Variants in RALGPS2 observed in about 807,000 individuals in gnomAD.
The protein encoded by RALGPS2 is Ral GEF with PH domain and SH3 binding motif 2.
In RALGPS2, 43 loss-of-function variants were observed where a neutral mutation model predicts 86.8. The observed-to-expected ratio is 0.50, with a 90% CI of 0.39 to 0.64. The LOEUF (loss-of-function observed/expected upper bound fraction) is 0.64. Among genes scored for constraint, RALGPS2 ranks in the 30% least tolerant of loss-of-function variants. RALGPS2 has a pLI of 0.00. For synonymous variants in RALGPS2, 243 were observed against 231.3 expected (o/e 1.05, Z -0.46); for missense variants, 536 against 694.6 (o/e 0.77, Z 2.57).
At chr1:178,783,256 T>C (rs564410404) in intron 2 of RALGPS2, among the ~76,000 whole-genome samples, 4 of 151,766 alleles carry the variant, frequency 2.6e-5, no homozygotes, top group African/African-American at 7.3e-5. Context: ...TGGTGACCAA[T>C]AGACAGCCAA....
intron 4 of RALGPS2, among the ~76,000 whole-genome samples, chr1:178,790,971 G>A (rs901706791): frequency 6.6e-6 from 1 of 152,090 alleles, no homozygotes; most frequent in African/African-American, 2.4e-5. Flanking sequence ...ATTATGAAAA[G>A]ATATTGGTTA....
chr1:178,852,697 T>A (rs200844291), intron 8 of RALGPS2: 1 of 1,613,058 alleles, frequency 6.2e-7, no homozygotes, highest in Non-Finnish European at 8.5e-7. Flanking sequence ...ATACATATCT[T>A]TATCTCTGTC....
rs1046371156 is a variant in RALGPS2 at position 178,917,771 on chromosome 1, TCAAA to T, written c.*1417_*1420del. On this transcript the variant is annotated 3_prime_UTR_variant, in exon 20 of 20. Transcript: ENST00000367635. ...TTAGAATTTTAATGAAAAATGACAC[TCAAA>T]CAAAGGCTATATGTCGAATGTTATA... 4.6e-5 allele frequency: 7 copies of T among 152,110 alleles called. No homozygotes were observed. Among genetic ancestry groups the T allele is most frequent in the South Asian group, 2.1e-4 (1 of 4,830 alleles). The allele number at this position is 152,110 out of a possible 1,614,324, so 9.4% of individuals were successfully genotyped here.
chr1:178,802,673 A>G (rs545923179), intron 4 of RALGPS2, among the ~76,000 whole-genome samples: 38 of 152,318 alleles, frequency 2.5e-4, no homozygotes, highest in African/African-American at 9.1e-4. Flanking sequence ...AGTATGTACT[A>G]TGGTTAATTT....
At chr1:178,814,753 CGT>C (rs1272553313) in intron 6 of RALGPS2, among the ~76,000 whole-genome samples, 1 of 151,998 alleles carries the variant, frequency 6.6e-6, no homozygotes, top group East Asian at 1.9e-4. Context: ...CCTGTCCCCT[CGT>C]CTCTTTAGCT....
At chr1:178,870,572 T>A (rs1658693412) in intron 8 of RALGPS2, among the ~76,000 whole-genome samples, 1 of 152,194 alleles carries the variant, frequency 6.6e-6, no homozygotes, top group South Asian at 2.1e-4. Flanking sequence ...GCACAGTACT[T>A]AATGTTTTTA....
chr1:178,837,554 G>A (rs1003960532), intron 8 of RALGPS2, among the ~76,000 whole-genome samples: 1 of 152,154 alleles, frequency 6.6e-6, no homozygotes, highest in Non-Finnish European at 1.5e-5. Flanking sequence ...CAGCGGGGAG[G>A]GTTCCAAGAT....
intron 7 of RALGPS2, among the ~76,000 whole-genome samples, chr1:178,832,878 T>C (rs1171390543): frequency 1.3e-5 from 2 of 151,984 alleles, no homozygotes; most frequent in Admixed American, 1.3e-4. Context: ...ATCTTTTAGT[T>C]ATGTTGTATG....
At chr1:178,838,096 C>T (rs1656379592) in intron 8 of RALGPS2, among the ~76,000 whole-genome samples, 1 of 152,116 alleles carries the variant, frequency 6.6e-6, no homozygotes, top group Non-Finnish European at 1.5e-5. Context: ...GAATCCACCT[C>T]TGCAGGGCAT....
intron 4 of RALGPS2, among the ~76,000 whole-genome samples, chr1:178,787,427 C>T (rs950531933): frequency 1.3e-5 from 2 of 152,136 alleles, no homozygotes; most frequent in African/African-American, 4.8e-5. Flanking sequence ...ATCGTTTCAA[C>T]TTGTAATCAG....
intron 8 of RALGPS2, chr1:178,865,099 G>C (rs1462653072): frequency 6.4e-7 from 1 of 1,565,130 alleles, no homozygotes; most frequent in South Asian, 1.2e-5. Context: ...TATACTGTTG[G>C]CTGTTAGGAA....
At chr1:178,838,740 C>T (rs556284128) in intron 8 of RALGPS2, among the ~76,000 whole-genome samples, 6 of 152,240 alleles carry the variant, frequency 3.9e-5, no homozygotes, top group African/African-American at 7.2e-5. Context: ...AGTTCGAATC[C>T]GTCGCAAAGA....
At chr1:178,908,553 C>G (rs1660481152) in intron 19 of RALGPS2, among the ~76,000 whole-genome samples, 1 of 152,192 alleles carries the variant, frequency 6.6e-6, no homozygotes. Flanking sequence ...AGTGTATAAG[C>G]ATTCCCTTTT....
At chr1:178,912,959 A>G (rs759219952) in intron 19 of RALGPS2, among the ~76,000 whole-genome samples, 1 of 152,058 alleles carries the variant, frequency 6.6e-6, no homozygotes, top group Non-Finnish European at 1.5e-5. Flanking sequence ...GGTTTGGTCT[A>G]TTCTGTTGTT....
intron 6 of RALGPS2, among the ~76,000 whole-genome samples, chr1:178,814,045 T>A (rs1004940495): frequency 1.3e-5 from 2 of 152,218 alleles, no homozygotes; most frequent in African/African-American, 4.8e-5. Flanking sequence ...GGAATTTTCA[T>A]ATGCCTCTTC....
chr1:178,878,225 T>A (rs559226302), intron 9 of RALGPS2, among the ~76,000 whole-genome samples: 1 of 138,528 alleles, frequency 7.2e-6, no homozygotes, highest in East Asian at 1.9e-4. Flanking sequence ...AGAAAAGGCA[T>A]TTTTTTTAAT....
chr1:178,877,402 G>C, intron 8 of RALGPS2, 96 bp from the exon 9 acceptor site: 3 of 1,520,596 alleles, frequency 2.0e-6, no homozygotes, highest in South Asian at 1.3e-5. Flanking sequence ...AGCGTACAGT[G>C]GAATATATCT....
At chr1:178,852,421 C>G (rs1657234807) in intron 8 of RALGPS2, among the ~76,000 whole-genome samples, 1 of 152,164 alleles carries the variant, frequency 6.6e-6, no homozygotes. Context: ...TAGGCACTTG[C>G]ATTTTATTTC....
intron 1 of RALGPS2, among the ~76,000 whole-genome samples, chr1:178,732,929 C>T (rs1190959873): frequency 6.6e-6 from 1 of 151,962 alleles, no homozygotes; most frequent in Non-Finnish European, 1.5e-5. Flanking sequence ...CTGAATTTGA[C>T]TTGCTGGTGT....
Sources: gnomAD v4.1 joint callset for allele counts (sites outside exome capture counted in the v4.1 genomes callset) on GRCh38, gnomAD v4.1.1 for gene constraint, MANE v1.5 for transcripts, NCBI Gene and HGNC (gene_info 2026-07-23, HGNC 2026-07-21) for gene names.